The following AGPAT3 variants were observed in gnomAD, a reference collection of about 807,000 sequenced individuals.
The protein encoded by AGPAT3 is 1-acylglycerol-3-phosphate O-acyltransferase 3, also known as 1-acyl-sn-glycerol-3-phosphate acyltransferase gamma.
Under a neutral mutation model 47.3 loss-of-function variants are expected in AGPAT3, and 5 were observed. The ratio of observed to expected loss-of-function variants is 0.11; its 90% CI spans 0.06 to 0.22. The LOEUF (loss-of-function observed/expected upper bound fraction) is 0.22. Ranked by LOEUF, AGPAT3 falls within the 10% of genes least tolerant of loss-of-function variation. The pLI is 1.00. For synonymous variants in AGPAT3, 212 were observed against 208.3 expected, an observed-to-expected ratio of 1.02 and a Z score of -0.15; for missense variants, 315 against 493.0, an observed-to-expected ratio of 0.64 and a Z score of 3.42.
intron 1 of AGPAT3, among the ~76,000 whole-genome samples, chr21:43,896,678 G>A (rs907359026): frequency 1.3e-5 from 2 of 152,200 alleles, no homozygotes; most frequent in African/African-American, 4.8e-5. Context: ...GTTATTAGGT[G>A]ATACAGACTT....
intron 1 of AGPAT3, among the ~76,000 whole-genome samples, chr21:43,867,959 A>G (rs756007001): frequency 1.2e-4 from 19 of 152,206 alleles, no homozygotes; most frequent in Non-Finnish European, 2.2e-4. Context: ...TCCTAAAACC[A>G]CTTCATCATA....
chr21:43,949,386 A>G (rs2088072921), intron 2 of AGPAT3, among the ~76,000 whole-genome samples: 3 of 152,212 alleles, frequency 2.0e-5, no homozygotes, highest in Admixed American at 2.0e-4. Flanking sequence ...GGAGAACCTC[A>G]GGTGGAATGG....
intron 2 of AGPAT3, among the ~76,000 whole-genome samples, chr21:43,959,325 TTGTG>T (rs377191686): frequency 0.029 from 3,706 of 127,206 alleles, 123 homozygotes; most frequent in East Asian, 0.1. Context: ...GTGTGTGTGG[TTGTG>T]TGTGTGTGGC....
intron 2 of AGPAT3, among the ~76,000 whole-genome samples, chr21:43,909,457 G>C (rs891407969): frequency 6.6e-6 from 1 of 151,960 alleles, no homozygotes; most frequent in African/African-American, 2.4e-5. Context: ...CACCATGCCC[G>C]GCTAATTTTT....
rs192775470 is a variant in AGPAT3 at position 43,948,827 on chromosome 21, C to T, written c.-48-10807C>T. 3.3e-3 allele frequency among the ~76,000 whole-genome samples: 503 copies of T among 152,200 alleles called. 2 individuals are homozygous for T. The highest frequency in any genetic ancestry group is 0.011 in the African/African-American group (460 of 41,518). ...GATCATGTGAGATGTGTGTTGTTGA[C>T]GAACGTGTAGTCAGTGCTTCATGCA... On this transcript the variant is annotated intron_variant, in intron 2 of 9. Transcript: ENST00000291572.
intron 7 of AGPAT3, among the ~76,000 whole-genome samples, chr21:43,977,357 C>G (rs1601479402): frequency 6.6e-6 from 1 of 152,274 alleles, no homozygotes; most frequent in African/African-American, 2.4e-5. Context: ...GAAGAATGAA[C>G]ATATTAAGAA....
At chr21:43,909,053 T>C (rs2086568667) in intron 2 of AGPAT3, among the ~76,000 whole-genome samples, 1 of 152,212 alleles carries the variant, frequency 6.6e-6, no homozygotes, top group Admixed American at 6.5e-5. Context: ...CATTCGTTGA[T>C]TTTAATTTTT....
intron 2 of AGPAT3, among the ~76,000 whole-genome samples, chr21:43,931,957 G>A (rs11702578): frequency 0.35 from 46,454 of 132,632 alleles, 8,800 homozygotes; most frequent in East Asian, 0.52. Context: ...GTGTGTGTGT[G>A]TGTGTGTGTC....
chr21:43,960,199 C>G (rs572762104), intron 3 of AGPAT3, among the ~76,000 whole-genome samples: 1 of 152,334 alleles, frequency 6.6e-6, no homozygotes, highest in African/African-American at 2.4e-5. Context: ...CTCGTGTGTC[C>G]TGCCCACACT....
intron 1 of AGPAT3, among the ~76,000 whole-genome samples, chr21:43,898,916 ATGT>A (rs958376126): frequency 7.3e-5 from 11 of 151,554 alleles, no homozygotes; most frequent in African/African-American, 2.4e-4. Flanking sequence ...GGGTTTCACC[ATGT>A]TGTTCACGCT....
At chr21:43,926,535 C>A (rs1021531130) in intron 2 of AGPAT3, among the ~76,000 whole-genome samples, 1 of 151,930 alleles carries the variant, frequency 6.6e-6, no homozygotes, top group Non-Finnish European at 1.5e-5. Context: ...ACGAGAGGAG[C>A]CCCCAGCCCC....
intron 1 of AGPAT3, among the ~76,000 whole-genome samples, chr21:43,899,777 G>T (rs1049678935): frequency 6.6e-6 from 1 of 152,230 alleles, no homozygotes; most frequent in South Asian, 2.1e-4. Flanking sequence ...CCCCGGTTCT[G>T]TTGGGTGTTG....
In AGPAT3 at chr21:43,930,213, C is replaced by T. The variant is rs1033636665; in HGVS notation, c.-49+26194C>T. 6.6e-6 allele frequency among the ~76,000 whole-genome samples: 1 copy of T among 152,166 alleles called. No individual in the cohort carries two copies. The highest frequency in any genetic ancestry group is 2.4e-5 in the African/African-American group (1 of 41,438). ...TTCCCCTTCCACGGTTCCCTGCCCCCGGGGACACAGTTGTGGGAGGTCTCA... is the reference window on the plus strand; with the variant it reads ...TTCCCCTTCCACGGTTCCCTGCCCCTGGGGACACAGTTGTGGGAGGTCTCA... On this transcript the variant is annotated intron_variant, in intron 2 of 9. Coordinates refer to ENST00000291572, the MANE Select transcript of AGPAT3 (RefSeq NM_020132.5). The surrounding 1 kb of genome is among the most constrained non-coding windows in gnomAD (Gnocchi z 5.0).
At chr21:43,980,371 G>T in intron 8 of AGPAT3, among the ~76,000 whole-genome samples, 1 of 152,048 alleles carries the variant, frequency 6.6e-6, no homozygotes, top group Non-Finnish European at 1.5e-5. Flanking sequence ...CCCGCCCACG[G>T]GCAGTGGCTG....
At chr21:43,875,237 C>G (rs1307930660) in intron 1 of AGPAT3, among the ~76,000 whole-genome samples, 1 of 152,144 alleles carries the variant, frequency 6.6e-6, no homozygotes, top group East Asian at 1.9e-4. Flanking sequence ...CCTCGGCCTC[C>G]CTCCCGTGTA....
At chr21:43,896,943 G>GTTTTTTTTTTTTTTTTTT (rs61657564) in intron 1 of AGPAT3, among the ~76,000 whole-genome samples, 21 of 42,342 alleles carry the variant, frequency 5.0e-4, no homozygotes, top group Admixed American at 7.9e-4. Flanking sequence ...TTGACAGTCC[G>GTTTTTTTTTTTTTTTTTT]TTTTTTTTTT....
At position 43,922,778 on chromosome 21, in the gene AGPAT3, C is replaced by G. The variant is rs926481056; in HGVS notation, c.-49+18759C>G. 2.0e-5 allele frequency among the ~76,000 whole-genome samples: 3 copies of G among 152,170 alleles called. No homozygotes were observed. In the East Asian group the frequency reaches 5.8e-4, roughly 30 times the overall value. On this transcript the variant is annotated intron_variant, in intron 2 of 9. Coordinates refer to ENST00000291572, the MANE Select transcript of AGPAT3 (RefSeq NM_020132.5). This position sits in a 1 kb window ranked among gnomAD's most constrained non-coding sequence, Gnocchi z 4.9. ...GTCTCCCAGCACAGGGGCTGTGGCT[C>G]AGGAGCCACGTGCCAGGCAGGTCAC... is the stretch of plus-strand genomic sequence containing the variant.
At chr21:43,917,796 ATTGTGGGGGTTGTG>A (rs1332381325) in intron 2 of AGPAT3, among the ~76,000 whole-genome samples, 4 of 104,962 alleles carry the variant, frequency 3.8e-5, no homozygotes, top group Non-Finnish European at 5.3e-5. Flanking sequence ...TATTGTGGGT[ATTGTGGGGGTTGTG>A]TTGTGGGTGT....
At chr21:43,872,319 T>G (rs2085640229) in intron 1 of AGPAT3, among the ~76,000 whole-genome samples, 1 of 152,106 alleles carries the variant, frequency 6.6e-6, no homozygotes. Flanking sequence ...TAGCTGAGAT[T>G]ACAGGCATAC....
Sources: allele counts gnomAD v4.1 joint callset (sites outside exome capture counted in the v4.1 genomes callset), GRCh38; gene constraint gnomAD v4.1.1; non-coding constraint Gnocchi (gnomAD v3.1); transcripts MANE v1.5; gene names NCBI Gene and HGNC (gene_info 2026-07-23, HGNC 2026-07-21).